LRRC37A: variants seen among roughly 807,000 people sequenced by gnomAD.
LRRC37A encodes the protein leucine-rich repeat-containing protein 37A.
In LRRC37A, 3 loss-of-function variants were observed where a neutral mutation model predicts 35.4. The observed-to-expected ratio is 0.08, with a 90% CI of 0.04 to 0.22. The LOEUF (loss-of-function observed/expected upper bound fraction) is 0.22, where lower values mean the gene tolerates loss of function less well. LRRC37A is among the 10% of genes least tolerant of loss of function. The pLI, the probability that LRRC37A is intolerant of heterozygous loss-of-function variation, is 1.00. For synonymous variants in LRRC37A, 23 were observed against 215.0 expected (o/e 0.11, Z 7.81); for missense variants, 67 against 565.3 (o/e 0.12, Z 8.94).
the LRRC37A span, among the ~76,000 whole-genome samples, chr17:46,252,996 C>T: frequency 2.5e-4 from 28 of 114,118 alleles, 6 homozygotes; most frequent in Admixed American, 4.7e-4. Context: ...CCAGACGGGG[C>T]GACTGCCGGG....
the LRRC37A span, among the ~76,000 whole-genome samples, chr17:46,271,667 A>C: frequency 2.6e-5 from 4 of 152,244 alleles, no homozygotes; most frequent in African/African-American, 9.6e-5. Flanking sequence ...AGGAAGGTAG[A>C]TTACAAACAA....
At chr17:46,285,286 G>A in the LRRC37A span, among the ~76,000 whole-genome samples, 1 of 148,726 alleles carries the variant, frequency 6.7e-6, no homozygotes, top group Non-Finnish European at 1.5e-5. Flanking sequence ...TGTCACCCGA[G>A]CTGGAGTGCC....
chr17:46,292,130 A>C (rs2050089886), upstream of LRRC37A, among the ~76,000 whole-genome samples: 1 of 136,596 alleles, frequency 7.3e-6, no homozygotes, highest in Non-Finnish European at 1.6e-5. Flanking sequence ...TCAGGAGTTC[A>C]AGACCAGCTT....
At chr17:46,277,637 T>TTTTCTTTTCTTTTC in the LRRC37A span, among the ~76,000 whole-genome samples, 43 of 150,362 alleles carry the variant, frequency 2.9e-4, no homozygotes, top group Admixed American at 4.6e-4. Context: ...TTTTCTTTTC[T>TTTTCTTTTCTTTTC]TTTCTTTCTT....
the LRRC37A span, among the ~76,000 whole-genome samples, chr17:46,252,141 CTT>C: frequency 6.6e-6 from 1 of 152,052 alleles, no homozygotes; most frequent in Non-Finnish European, 1.5e-5. Flanking sequence ...ATAAAATTCT[CTT>C]TTTTATTTTC....
the LRRC37A span, among the ~76,000 whole-genome samples, chr17:46,253,569 A>G: frequency 6.6e-6 from 1 of 152,224 alleles, no homozygotes; most frequent in African/African-American, 2.4e-5. Flanking sequence ...CAACGCAGCG[A>G]AACCCCGTCT....
chr17:46,263,275 G>A, the LRRC37A span, among the ~76,000 whole-genome samples: 4 of 152,062 alleles, frequency 2.6e-5, no homozygotes, highest in African/African-American at 4.8e-5. Flanking sequence ...AATGGAGCCC[G>A]GTGCAGTGGC....
At chr17:46,291,180 T>G (rs1370118905), upstream of LRRC37A, among the ~76,000 whole-genome samples, 9 of 152,274 alleles carry the variant, frequency 5.9e-5, no homozygotes, top group Admixed American at 6.5e-5. Flanking sequence ...CATTTCCTAG[T>G]TCATATATTT....
At chr17:46,277,250 T>A in the LRRC37A span, among the ~76,000 whole-genome samples, 1 of 152,242 alleles carries the variant, frequency 6.6e-6, no homozygotes, top group African/African-American at 2.4e-5. Context: ...CCCTACACTA[T>A]GCGGGCCCAG....
the LRRC37A span, among the ~76,000 whole-genome samples, chr17:46,282,325 G>A: frequency 9.2e-5 from 14 of 151,668 alleles, no homozygotes; most frequent in South Asian, 2.1e-4. Flanking sequence ...GGATGGTCTC[G>A]ATCTCCTGAC....
At position 46,306,098 on chromosome 17, in the gene LRRC37A, C is replaced by T. The variant is rs75155980; in HGVS notation, c.2826-131C>T. On this transcript the variant is annotated intron_variant, in intron 4 of 13. Coordinates refer to ENST00000320254, the Ensembl canonical transcript of LRRC37A. ...ATAAATCATAAGCCAGTATCTTCCA[C>T]AGTCAGATTTCCTTAGTGCATAGAG... The T allele has an allele frequency of 6.4e-4, 152 of 238,626 alleles. 30 individuals are homozygous for T. The highest frequency in any genetic ancestry group is 3.3e-3 in the African/African-American group (126 of 38,668). The allele number at this position is 238,626 out of a possible 1,614,324, so 14.8% of individuals were successfully genotyped here.
chr17:46,257,547 C>T, the LRRC37A span, among the ~76,000 whole-genome samples: 3 of 151,612 alleles, frequency 2.0e-5, no homozygotes, highest in Middle Eastern at 3.4e-3. Flanking sequence ...GGCATAGTGG[C>T]TCATGCCTGT....
the LRRC37A span, among the ~76,000 whole-genome samples, chr17:46,259,328 G>A: frequency 6.6e-6 from 1 of 152,040 alleles, no homozygotes; most frequent in Non-Finnish European, 1.5e-5. Context: ...TTGGACCCTG[G>A]GCTGGGAGGG....
At chr17:46,278,486 C>T in the LRRC37A span, among the ~76,000 whole-genome samples, 1 of 151,736 alleles carries the variant, frequency 6.6e-6, no homozygotes, top group Non-Finnish European at 1.5e-5. Context: ...CTCACTGCAA[C>T]CTCCACCTCC....
rs999307564 is a variant in LRRC37A, at chr17:46,323,380, C to G, written c.3053+353C>G. ...ATAGCACATAGCCTCTTGTGTTTGG[C>G]TCCTTTCACAAAGCCTAATTTTTTT... On this transcript the variant is annotated intron_variant, in intron 7 of 13. Transcript: ENST00000320254. Among the ~76,000 whole-genome samples the G allele has an allele frequency of 2.0e-5, 2 of 98,168 alleles. 1 individual carries two copies. Among genetic ancestry groups the G allele is most frequent in the Non-Finnish European group, 4.7e-5 (2 of 42,224 alleles). 64.4% of individuals were successfully genotyped at this position (98,168 alleles called of 152,430 possible).
the LRRC37A span, chr17:46,260,620 C>CTAT: frequency 9.3e-7 from 1 of 1,076,430 alleles, no homozygotes; most frequent in Non-Finnish European, 1.2e-6. Flanking sequence ...TCTCTATTCT[C>CTAT]TTTTTTTTTT....
At chr17:46,289,080 T>A (rs572386341), upstream of LRRC37A, among the ~76,000 whole-genome samples, 1 of 152,352 alleles carries the variant, frequency 6.6e-6, no homozygotes, top group East Asian at 1.9e-4. Flanking sequence ...CAACTTACTC[T>A]TGGAAATGAT....
chr17:46,286,255 T>G, the LRRC37A span, among the ~76,000 whole-genome samples: 1 of 152,254 alleles, frequency 6.6e-6, no homozygotes, highest in Non-Finnish European at 1.5e-5. Flanking sequence ...AATTTAGTAT[T>G]TTTGATGTTA....
the LRRC37A span, among the ~76,000 whole-genome samples, chr17:46,265,542 G>T: frequency 6.6e-6 from 1 of 151,022 alleles, no homozygotes; most frequent in African/African-American, 2.4e-5. Context: ...GCAGTGGCAC[G>T]ATCTCGGCTC....
Sources: gnomAD v4.1 joint callset for allele counts (sites outside exome capture counted in the v4.1 genomes callset) on GRCh38, gnomAD v4.1.1 for gene constraint, MANE v1.5 for transcripts, NCBI Gene and HGNC (gene_info 2026-07-23, HGNC 2026-07-21) for gene names.